AJAP1: variants seen among roughly 807,000 people sequenced by gnomAD.
AJAP1 encodes adherens junction-associated protein 1.
A neutral mutation model predicts 35.0 loss-of-function variants in AJAP1; 5 were observed. The observed-to-expected ratio is 0.14, with a 90% CI of 0.07 to 0.30. The LOEUF is 0.30. AJAP1 is among the 10% of genes least tolerant of loss of function. AJAP1 has a pLI of 1.00. For missense variants in AJAP1, 586 were observed against 571.0 expected (o/e 1.03, Z -0.27); for synonymous variants, 284 against 249.3 (o/e 1.14, Z -1.31).
At position 4,734,807 on chromosome 1, in the gene AJAP1, G is replaced by A. The variant is rs115138545; in HGVS notation, c.829+22108G>A. 0.036 allele frequency among the ~76,000 whole-genome samples: 5,515 copies of A among 152,232 alleles called. 108 individuals carry two copies. The highest frequency in any genetic ancestry group is 0.054 in the Middle Eastern group (16 of 294). Reference sequence around the variant, plus strand: ...GGGCCAAGGCTCTCACCTTCCCCCGGACAAGGTTTCTAAGGCCCGGGAAGC... The same window carrying A: ...GGGCCAAGGCTCTCACCTTCCCCCGAACAAGGTTTCTAAGGCCCGGGAAGC... On this transcript the variant is annotated intron_variant, in intron 2 of 5. Coordinates refer to ENST00000378191, the MANE Select transcript of AJAP1 (RefSeq NM_018836.4). This position sits in a 1 kb window ranked among gnomAD's most constrained non-coding sequence, Gnocchi z 4.3.
At chr1:4,752,535 T>C (rs1031756150) in intron 2 of AJAP1, among the ~76,000 whole-genome samples, 5 of 152,102 alleles carry the variant, frequency 3.3e-5, no homozygotes, top group African/African-American at 1.2e-4. Context: ...TCTGAATAAA[T>C]AGTAGTATCA....
intron 1 of AJAP1, among the ~76,000 whole-genome samples, chr1:4,669,143 C>T (rs1639197368): frequency 1.3e-5 from 2 of 152,268 alleles, no homozygotes; most frequent in African/African-American, 4.8e-5. Flanking sequence ...GTTGTGCAAC[C>T]ATCACCATTC....
intron 2 of AJAP1, among the ~76,000 whole-genome samples, chr1:4,736,046 C>A (rs1049045580): frequency 6.6e-6 from 1 of 152,238 alleles, no homozygotes; most frequent in Non-Finnish European, 1.5e-5. Flanking sequence ...TTACTTTCCT[C>A]ATTTGGAAAA....
chr1:4,778,122 C>T (rs1007157137), intron 5 of AJAP1, among the ~76,000 whole-genome samples: 2 of 152,218 alleles, frequency 1.3e-5, no homozygotes, highest in Non-Finnish European at 2.9e-5. Flanking sequence ...TAGCATGCAG[C>T]CCAGTGGGGC....
At chr1:4,658,492 C>G (rs1638932026) in intron 1 of AJAP1, among the ~76,000 whole-genome samples, 1 of 152,222 alleles carries the variant, frequency 6.6e-6, no homozygotes, top group African/African-American at 2.4e-5. Context: ...AAACATTGCG[C>G]TCCGGGTGAA....
intron 1 of AJAP1, among the ~76,000 whole-genome samples, chr1:4,698,591 C>A (rs1269117633): frequency 1.3e-5 from 2 of 152,178 alleles, no homozygotes; most frequent in African/African-American, 4.8e-5. Context: ...GGCCCTCTCC[C>A]ACCCTCAGTC....
rs142816302 is a variant in AJAP1, at chr1:4,707,292, T to C, written c.30-4608T>C. On this transcript the variant is annotated intron_variant, in intron 1 of 5. Transcript: ENST00000378191. ...CTTTTGATTTGTATTGGGATATACA[T>C]TGCACAAAACTCACCTATTACAAAT... 2.0e-5 allele frequency among the ~76,000 whole-genome samples: 3 copies of C among 152,322 alleles called. No homozygotes were observed. In the East Asian group the frequency reaches 5.8e-4, roughly 29 times the overall value.
Position 4,720,213 on chromosome 1 carries a change from G to A in AJAP1, c.829+7514G>A, listed in dbSNP as rs771860103. 1.2e-4 allele frequency among the ~76,000 whole-genome samples: 18 copies of A among 152,316 alleles called. No homozygotes were observed. Among genetic ancestry groups the A allele is most frequent in the East Asian group, 1.9e-4 (1 of 5,180 alleles). ...AACGAGTAATGGACCCATGTGCCAC[G>A]TGGTTAGACATGAAGACAGGCTTCG... On this transcript the variant is annotated intron_variant, in intron 2 of 5. Transcript: ENST00000378191. The surrounding 1 kb of genome is among the most constrained non-coding windows in gnomAD (Gnocchi z 4.4).
chr1:4,779,026 C>T (rs1642010248), intron 5 of AJAP1, among the ~76,000 whole-genome samples: 1 of 152,180 alleles, frequency 6.6e-6, no homozygotes, highest in Admixed American at 6.5e-5. Flanking sequence ...GCACATCTGC[C>T]CAGATAAAGC....
intron 2 of AJAP1, among the ~76,000 whole-genome samples, chr1:4,717,167 C>G (rs1159442513): frequency 6.6e-6 from 1 of 152,220 alleles, no homozygotes; most frequent in East Asian, 1.9e-4. Flanking sequence ...GAGCTTTTAT[C>G]TTAAAACGTG....
rs1009349171 is a variant in AJAP1 at position 4,788,376 on chromosome 1, C to G, written c.*5891C>G. 1.3e-5 allele frequency: 2 copies of G among 152,284 alleles called. No individual in the cohort carries two copies. Among genetic ancestry groups the G allele is most frequent in the African/African-American group, 4.8e-5 (2 of 41,432 alleles). 9.4% of individuals were successfully genotyped at this position (152,284 alleles called of 1,614,324 possible). A position where few individuals can be genotyped will look rare whatever the true frequency, so the allele number is the denominator to read the frequency against. On this transcript the variant is annotated 3_prime_UTR_variant, in exon 6 of 6. Transcript: ENST00000378191. ...TGCTATCTTTTAAACCACCCCAGCC[C>G]TCAGTCGAACAGAAAGAATGAGCGT...
chr1:4,730,337 G>A (rs1640768755), intron 2 of AJAP1, among the ~76,000 whole-genome samples: 1 of 152,196 alleles, frequency 6.6e-6, no homozygotes, highest in African/African-American at 2.4e-5. Flanking sequence ...CACAGACACT[G>A]ACACAGAATT....
chr1:4,718,846 A>G (rs1283680742), intron 2 of AJAP1, among the ~76,000 whole-genome samples: 1 of 152,034 alleles, frequency 6.6e-6, no homozygotes. Context: ...AGGCCTGGAG[A>G]GGTGCCTTTA....
chr1:4,662,593 A>G (rs1429554277), intron 1 of AJAP1, among the ~76,000 whole-genome samples: 2 of 151,966 alleles, frequency 1.3e-5, no homozygotes, highest in African/African-American at 4.8e-5. Context: ...CCTCCACGTT[A>G]TACTTTATAA....
chr1:4,702,767 G>A (rs1420650784), intron 1 of AJAP1, among the ~76,000 whole-genome samples: 4 of 152,120 alleles, frequency 2.6e-5, no homozygotes, highest in African/African-American at 4.8e-5. Context: ...ACACTATCCC[G>A]GGACCACCCC....
chr1:4,707,007 GCTGT>G (rs1640115207), intron 1 of AJAP1, among the ~76,000 whole-genome samples: 1 of 152,134 alleles, frequency 6.6e-6, no homozygotes, highest in Non-Finnish European at 1.5e-5. Context: ...CTGAGAGGGA[GCTGT>G]CCCTGCCTCT....
chr1:4,706,342 A>G (rs1406558246), intron 1 of AJAP1, among the ~76,000 whole-genome samples: 1 of 152,240 alleles, frequency 6.6e-6, no homozygotes, highest in Non-Finnish European at 1.5e-5. Flanking sequence ...CGGAGACCTC[A>G]GAGCCCACCT....
intron 1 of AJAP1, among the ~76,000 whole-genome samples, chr1:4,666,913 C>T (rs1481297707): frequency 1.4e-5 from 2 of 142,530 alleles, no homozygotes; most frequent in Non-Finnish European, 3.1e-5. Flanking sequence ...GAGAGGGACC[C>T]GTGAATCACG....
intron 2 of AJAP1, among the ~76,000 whole-genome samples, chr1:4,736,937 A>G (rs1040291826): frequency 2.0e-5 from 3 of 152,020 alleles, no homozygotes; most frequent in African/African-American, 7.2e-5. Flanking sequence ...AGGCCTGAGA[A>G]TTCTTCCCTG....
Sources: gnomAD v4.1 joint callset for allele counts (sites outside exome capture counted in the v4.1 genomes callset) on GRCh38, gnomAD v4.1.1 for gene constraint, Gnocchi (gnomAD v3.1) non-coding constraint, MANE v1.5 for transcripts, NCBI Gene and HGNC (gene_info 2026-07-23, HGNC 2026-07-21) for gene names.